The following PACC1 variants were observed in gnomAD, a reference collection of about 807,000 sequenced individuals.
PACC1 encodes proton activated chloride channel 1.
Under a neutral mutation model 39.7 loss-of-function variants are expected in PACC1, and 34 were observed. The observed-to-expected ratio is 0.86, with a 90% CI of 0.65 to 1.14. The LOEUF is 1.14. Among genes scored for constraint, PACC1 ranks in the 50% most tolerant of loss-of-function variants. PACC1 has a pLI of 0.00. For synonymous variants in PACC1, 127 were observed against 160.6 expected (o/e 0.79, Z 1.58); for missense variants, 379 against 436.4 (o/e 0.87, Z 1.17).
At chr1:212,375,552 G>C (rs1483463574) in intron 6 of PACC1, among the ~76,000 whole-genome samples, 1 of 152,136 alleles carries the variant, frequency 6.6e-6, no homozygotes, top group Non-Finnish European at 1.5e-5. Flanking sequence ...GTTTTGGATT[G>C]TCACTGAAAT....
chr1:212,379,785 T>TGCCC, intron 5 of PACC1, 110 bp downstream of exon 5: 1 of 1,367,936 alleles, frequency 7.3e-7, no homozygotes, highest in Non-Finnish European at 1.0e-6. Context: ...CATCTGAGAA[T>TGCCC]GCCCCTTCCC....
intron 4 of PACC1, among the ~76,000 whole-genome samples, chr1:212,383,788 G>A (rs1660993334): frequency 1.3e-5 from 2 of 152,162 alleles, no homozygotes; most frequent in Non-Finnish European, 2.9e-5. Flanking sequence ...TTTACTCTGG[G>A]AAGAGTCCTT....
rs747603397 is a variant in PACC1, at chr1:212,379,948, G to A, written c.585C>T (p.Asp195=). 7 of 1,614,110 alleles carry A rather than the reference G, an allele frequency of 4.3e-6. No individual in the cohort carries two copies. Among genetic ancestry groups the A allele is most frequent in the East Asian group, 2.2e-5 (1 of 44,900 alleles). Residue 195 remains aspartate (D), a synonymous_variant, in exon 5 of 8, where the codon GAC becomes GAT. Transcript: ENST00000261455. Reference sequence around the variant, plus strand: ...AGAGGAGGTAATCAATGGCGCTGAAGTCCTCACTACTCTTGTTCAGGCGGA... The same window carrying A: ...AGAGGAGGTAATCAATGGCGCTGAAATCCTCACTACTCTTGTTCAGGCGGA... ...LQFRLNKSSE[D]FSAIDYLLFS...
intron 2 of PACC1, among the ~76,000 whole-genome samples, chr1:212,404,404 C>A (rs1661831495): frequency 6.6e-6 from 1 of 151,822 alleles, no homozygotes; most frequent in East Asian, 1.9e-4. Flanking sequence ...CCGCACCCAG[C>A]CCCAATCCTT....
At chr1:212,375,798 T>A (rs1453536693) in intron 6 of PACC1, among the ~76,000 whole-genome samples, 2 of 152,030 alleles carry the variant, frequency 1.3e-5, no homozygotes, top group Non-Finnish European at 1.5e-5. Context: ...GGCAGGAGAA[T>A]CGCTTGAATC....
At chr1:212,383,939 A>G (rs1195804568) in intron 4 of PACC1, among the ~76,000 whole-genome samples, 2 of 152,156 alleles carry the variant, frequency 1.3e-5, no homozygotes, top group Non-Finnish European at 2.9e-5. Flanking sequence ...GCGGCTCTGC[A>G]TACCTGGGGA....
intron 5 of PACC1, 111 bp from the exon 6 acceptor site, chr1:212,377,817 A>C: frequency 1.6e-6 from 2 of 1,242,364 alleles, no homozygotes; most frequent in Non-Finnish European, 2.2e-6. Flanking sequence ...GATGCTGCCC[A>C]CTCCCTGCCT....
At chr1:212,393,615 A>C (rs1661406892) in intron 2 of PACC1, among the ~76,000 whole-genome samples, 1 of 152,222 alleles carries the variant, frequency 6.6e-6, no homozygotes, top group Non-Finnish European at 1.5e-5. Context: ...ACTGAGACAC[A>C]AAAAACGCTT....
rs1331182658 is a variant in PACC1, at chr1:212,414,873, G to A, written c.-116C>T. ...CTCCGCGAGGCGAAACCGGTCCGGA[G>A]GGGCGTCCCAGAGACCAGGCGTGGC... On this transcript the variant is annotated 5_prime_UTR_variant, in exon 1 of 8. Coordinates refer to ENST00000261455, the MANE Select transcript of PACC1 (RefSeq NM_018252.3). The A allele has an allele frequency of 5.8e-6, 8 of 1,389,876 alleles. No homozygotes were observed. Among genetic ancestry groups the A allele is most frequent in the African/African-American group, 4.3e-5 (3 of 69,608 alleles). The allele number at this position is 1,389,876 out of a possible 1,614,324, so 86.1% of individuals were successfully genotyped here. A position where few individuals can be genotyped will look rare whatever the true frequency, so the allele number is the denominator to read the frequency against.
intron 2 of PACC1, among the ~76,000 whole-genome samples, chr1:212,405,377 T>C (rs1439929419): frequency 6.6e-6 from 1 of 152,130 alleles, no homozygotes; most frequent in Non-Finnish European, 1.5e-5. Flanking sequence ...TGGATAACAA[T>C]TAACTGAATA....
At chr1:212,398,708 C>T (rs949318900) in intron 2 of PACC1, among the ~76,000 whole-genome samples, 1 of 152,214 alleles carries the variant, frequency 6.6e-6, no homozygotes, top group African/African-American at 2.4e-5. Flanking sequence ...CTACCTATTG[C>T]TAATAGACAC....
At chr1:212,413,781 A>C in intron 1 of PACC1, 1 of 1,140,918 alleles carries the variant, frequency 8.8e-7, no homozygotes, top group Non-Finnish European at 1.2e-6. Flanking sequence ...TCCGAGGTGA[A>C]GGCAGGGCCT....
In PACC1 at chr1:212,369,559, T is replaced by C. The variant is rs13375351; in HGVS notation, c.892-4183A>G. On this transcript the variant is annotated intron_variant, in intron 7 of 7. Coordinates refer to ENST00000261455, the MANE Select transcript of PACC1 (RefSeq NM_018252.3). ...ACTTTGGGAGGCCAAGGTGGGCAGA[T>C]TGCTTGAGATCAGGAGTTTGAGACC... 7.9e-3 allele frequency among the ~76,000 whole-genome samples: 1,202 copies of C among 152,288 alleles called. 17 individuals are homozygous for C. Among genetic ancestry groups the C allele is most frequent in the African/African-American group, 0.027 (1,133 of 41,544 alleles).
chr1:212,390,389 C>T (rs1249576704), intron 2 of PACC1, among the ~76,000 whole-genome samples: 3 of 148,264 alleles, frequency 2.0e-5, no homozygotes, highest in African/African-American at 7.5e-5. Context: ...CGCCATTGCA[C>T]TCCAGCCTAG....
In PACC1 at chr1:212,365,346, C is replaced by T; in HGVS notation, c.922G>A (p.Ala308Thr). 6.2e-7 allele frequency: 1 copy of T among 1,611,554 alleles called. No homozygotes were observed. Among genetic ancestry groups the T allele is most frequent in the East Asian group, 2.2e-5 (1 of 44,772 alleles). The change falls in exon 8 of 8, where the codon GCT becomes ACT. Residue 308 changes from alanine (A) to threonine (T), a missense_variant. Coordinates refer to ENST00000261455, the MANE Select transcript of PACC1 (RefSeq NM_018252.3). The part of the protein sequence containing the change: ...IVTANPWNTI[A>T]LLCGAFLALF... ...GCCAAGAAGGCGCCACAGAGAAGAG[C>T]AATTGTGTTCCAAGGATTGGCAGTG... is the stretch of plus-strand genomic sequence containing the variant.
At chr1:212,402,361 G>A (rs1223247220) in intron 2 of PACC1, among the ~76,000 whole-genome samples, 3 of 152,184 alleles carry the variant, frequency 2.0e-5, no homozygotes, top group Admixed American at 6.5e-5. Context: ...CCATCCTAGT[G>A]GGTGTGAAGT....
At chr1:212,384,077 A>G (rs1490474595) in intron 4 of PACC1, among the ~76,000 whole-genome samples, 1 of 152,070 alleles carries the variant, frequency 6.6e-6, no homozygotes, top group African/African-American at 2.4e-5. Context: ...TCTCTCCTTC[A>G]TCTGTTTTGG....
At position 212,414,792 on chromosome 1, in the gene PACC1, C is replaced by A. The variant is rs542067687; in HGVS notation, c.-35G>T. ...CAGAGCTTCGGCACACCTGAGACCG[C>A]CCCAGCCCGCGGCGCACGGACGCAG... On this transcript the variant is annotated 5_prime_UTR_variant, in exon 1 of 8. Coordinates refer to ENST00000261455, the MANE Select transcript of PACC1 (RefSeq NM_018252.3). The A allele has an allele frequency of 3.1e-6, 5 of 1,609,120 alleles. No homozygotes were observed. The South Asian group carries it at 4.4e-5, about 14-fold the overall frequency.
At chr1:212,404,545 A>G (rs571873408) in intron 2 of PACC1, among the ~76,000 whole-genome samples, 1 of 151,396 alleles carries the variant, frequency 6.6e-6, no homozygotes, top group South Asian at 2.1e-4. Flanking sequence ...CCCCAACCAT[A>G]CCATGCTATT....
Sources: allele counts gnomAD v4.1 joint callset (sites outside exome capture counted in the v4.1 genomes callset), GRCh38; gene constraint gnomAD v4.1.1; transcripts MANE v1.5; gene names NCBI Gene and HGNC (gene_info 2026-07-23, HGNC 2026-07-21).